HACE1: variants seen among roughly 807,000 people sequenced by gnomAD.
HACE1 encodes HECT domain and ankyrin repeat containing E3 ubiquitin protein ligase 1, also known as E3 ubiquitin-protein ligase HACE1.
Under a neutral mutation model 118.4 loss-of-function variants are expected in HACE1, and 73 were observed. That is an observed-to-expected ratio of 0.62 (90% confidence interval 0.51 to 0.75). HACE1 has a LOEUF of 0.75. Among genes scored for constraint, HACE1 ranks in the 30% least tolerant of loss-of-function variants. The probability of loss-of-function intolerance (pLI) is 0.00; values close to 1 mark genes in which losing one functional copy is unlikely to be tolerated. For missense variants in HACE1, 749 were observed against 1,102.2 expected (o/e 0.68, Z 4.54); for synonymous variants, 368 against 374.8 (o/e 0.98, Z 0.21).
chr6:104,816,401 GC>G (rs1167335721), intron 6 of HACE1, among the ~76,000 whole-genome samples: 1 of 152,226 alleles, frequency 6.6e-6, no homozygotes, highest in Non-Finnish European at 1.5e-5. Flanking sequence ...TCCAGCTCCA[GC>G]CATGGCTAAA....
At position 104,742,784 on chromosome 6, in the gene HACE1, C is replaced by G. The variant is rs1198054383; in HGVS notation, c.2513+1376G>C. Among the ~76,000 whole-genome samples the G allele has an allele frequency of 2.0e-5, 3 of 151,964 alleles. No individual in the cohort carries two copies. In the East Asian group the frequency reaches 5.8e-4, roughly 29 times the overall value. On this transcript the variant is annotated intron_variant, in intron 22 of 23. Transcript: ENST00000262903. The stretch of plus-strand genomic sequence containing the variant: ...CCTCAGGGATCTAGAACTGGAAATA[C>G]CATTTGACCCAGCCATCCCATTACT...
intron 1 of HACE1, among the ~76,000 whole-genome samples, chr6:104,855,745 T>G (rs1776657793): frequency 6.6e-6 from 1 of 152,172 alleles, no homozygotes; most frequent in Non-Finnish European, 1.5e-5. Flanking sequence ...TCTGAACTTC[T>G]AAACCATGAG....
chr6:104,812,493 T>C (rs1322487304), intron 6 of HACE1, among the ~76,000 whole-genome samples: 1 of 152,130 alleles, frequency 6.6e-6, no homozygotes, highest in African/African-American at 2.4e-5. Flanking sequence ...TACTTCTGGA[T>C]TGAACACATC....
At chr6:104,799,213 T>C (rs1770024981) in intron 7 of HACE1, among the ~76,000 whole-genome samples, 1 of 152,218 alleles carries the variant, frequency 6.6e-6, no homozygotes. Context: ...CAGGAGGCCA[T>C]TAGCCTGAGA....
intron 7 of HACE1, among the ~76,000 whole-genome samples, chr6:104,797,905 T>A (rs532622963): frequency 1.3e-5 from 2 of 151,514 alleles, no homozygotes; most frequent in African/African-American, 4.8e-5. Flanking sequence ...CCTGTCTCTA[T>A]TAAAAATACA....
intron 5 of HACE1, 31 bp from the exon 6 acceptor site, chr6:104,833,204 T>G: frequency 6.2e-7 from 1 of 1,602,464 alleles, no homozygotes; most frequent in Non-Finnish European, 8.6e-7. Context: ...TTAACATTTG[T>G]GTAATAGTGT....
At chr6:104,834,995 AG>A (rs1471668202) in intron 5 of HACE1, among the ~76,000 whole-genome samples, 2 of 152,248 alleles carry the variant, frequency 1.3e-5, no homozygotes, top group African/African-American at 2.4e-5. Context: ...CACACTAAAA[AG>A]GGGAGATTAA....
At position 104,852,369 on chromosome 6, in the gene HACE1, T is replaced by C; in HGVS notation, c.79A>G (p.Asn27Asp). The change falls in exon 2 of 24, where the codon AAT becomes GAT. Residue 27 changes from asparagine to aspartate, a missense_variant and splice_region_variant. Transcript: ENST00000262903. Reference protein sequence around the residue: ...RARTVELPEDNETAVYTLMPM... With the variant: ...RARTVELPEDDETAVYTLMPM... ...ATTAATGTATAAACAGCAGTTTCAT[T>C]ATCTGAGTAAAAAAAAACAAAGAGT... The C allele has an allele frequency of 6.5e-7, 1 of 1,535,692 alleles. No individual in the cohort carries two copies. The highest frequency in any genetic ancestry group is 1.1e-5 in the South Asian group (1 of 88,352).
At chr6:104,806,827 C>T (rs1056021217) in intron 7 of HACE1, among the ~76,000 whole-genome samples, 1 of 152,048 alleles carries the variant, frequency 6.6e-6, no homozygotes, top group African/African-American at 2.4e-5. Flanking sequence ...TTCTAAAGCA[C>T]TTAGACCTGA....
At chr6:104,767,961 A>AT (rs766999698) in intron 19 of HACE1, among the ~76,000 whole-genome samples, 3 of 152,176 alleles carry the variant, frequency 2.0e-5, no homozygotes, top group East Asian at 3.8e-4. Context: ...TGATGCTAAC[A>AT]TTTAAACCCC....
chr6:104,799,909 G>GCCAAAGTAGGGCAGGGCAT lies in HACE1; in HGVS notation c.618-2885_618-2884insATGCCCTGCCCTACTTTGG, dbSNP rs11274321. Among the ~76,000 whole-genome samples, 10 of 151,940 alleles carry GCCAAAGTAGGGCAGGGCAT rather than the reference G, an allele frequency of 6.6e-5. No individual in the cohort carries two copies. The East Asian group carries it at 7.8e-4, about 12-fold the overall frequency. On this transcript the variant is annotated intron_variant, in intron 7 of 23. Coordinates refer to ENST00000262903, the MANE Select transcript of HACE1 (RefSeq NM_020771.4). ...AGTAGGTGCAGCCCACGGAGGGTGA[G>GCCAAAGTAGGGCAGGGCAT]CACCTCACTTGGGAAGCTCAAGGGG...
intron 6 of HACE1, among the ~76,000 whole-genome samples, chr6:104,832,308 A>ATT (rs1218156201): frequency 6.6e-6 from 1 of 152,254 alleles, no homozygotes; most frequent in East Asian, 1.9e-4. Flanking sequence ...ATTAAAACCT[A>ATT]TGAATTAGAA....
intron 22 of HACE1, among the ~76,000 whole-genome samples, chr6:104,743,939 C>A (rs6942231): frequency 5.9e-5 from 9 of 151,824 alleles, no homozygotes; most frequent in Non-Finnish European, 1.0e-4. Context: ...ATAATCCTAA[C>A]TGGAGATGCT....
chr6:104,849,299 G>A (rs1775950303), intron 3 of HACE1, 53 bp from the exon 4 acceptor site: 1 of 1,028,966 alleles, frequency 9.7e-7, no homozygotes, highest in Non-Finnish European at 1.5e-6. Context: ...AGCCATACTT[G>A]ATGTAGTTCA....
chr6:104,783,107 C>T (rs750697682), intron 14 of HACE1, among the ~76,000 whole-genome samples: 133 of 152,330 alleles, frequency 8.7e-4, no homozygotes, highest in Non-Finnish European at 1.6e-3. Flanking sequence ...TGCAATACTG[C>T]AGTTTTACAT....
intron 10 of HACE1, among the ~76,000 whole-genome samples, chr6:104,793,499 T>C (rs1411303013): frequency 6.6e-6 from 1 of 152,154 alleles, no homozygotes; most frequent in African/African-American, 2.4e-5. Flanking sequence ...AACGCCTCAG[T>C]AAATGTTTAT....
intron 22 of HACE1, among the ~76,000 whole-genome samples, chr6:104,739,387 G>T (rs373757320): frequency 1.8e-4 from 28 of 152,032 alleles, no homozygotes; most frequent in African/African-American, 3.9e-4. Flanking sequence ...GGATAAAGAG[G>T]CAAGACCCAT....
Position 104,843,218 on chromosome 6 carries a change from C to T in HACE1, c.402+5G>A, listed in dbSNP as rs1316982922. 7.4e-7 allele frequency: 1 copy of T among 1,344,946 alleles called. No homozygotes were observed. 83.3% of individuals were successfully genotyped at this position (1,344,946 alleles called of 1,614,324 possible). On this transcript the variant is annotated splice_donor_5th_base_variant and intron_variant, in intron 5 of 23. Transcript: ENST00000262903. ...AAAACATCAGATGAAATTGATAGCA[C>T]TTACTGCTGTAAGGCCTTCATTATT...
At chr6:104,831,909 G>A (rs1773920486) in intron 6 of HACE1, among the ~76,000 whole-genome samples, 1 of 94,624 alleles carries the variant, frequency 1.1e-5, no homozygotes, top group Non-Finnish European at 2.2e-5. Context: ...GAGAGAGAAA[G>A]AAAAGAGAAA....
Sources: allele counts gnomAD v4.1 joint callset (sites outside exome capture counted in the v4.1 genomes callset), GRCh38; gene constraint gnomAD v4.1.1; transcripts MANE v1.5; gene names NCBI Gene and HGNC (gene_info 2026-07-23, HGNC 2026-07-21).